Variants in LINGO2 observed in about 807,000 individuals in gnomAD.
The protein encoded by LINGO2 is leucine rich repeat and Ig domain containing 2.
LINGO2 carries 14 observed loss-of-function variants against 30.6 expected under a neutral mutation model. The observed-to-expected ratio is 0.46, with a 90% CI of 0.30 to 0.72. The LOEUF (loss-of-function observed/expected upper bound fraction) is 0.72. LINGO2 is among the 30% of genes least tolerant of loss of function. The pLI is 0.07. For synonymous variants in LINGO2, 317 were observed against 288.5 expected (o/e 1.10, Z -1.00); for missense variants, 729 against 751.7 (o/e 0.97, Z 0.35).
intron 4 of LINGO2, among the ~76,000 whole-genome samples, chr9:28,202,799 G>A (rs796779110): frequency 1.5e-4 from 23 of 152,230 alleles, no homozygotes; most frequent in African/African-American, 5.1e-4. Context: ...AGTGCTCAAT[G>A]TATGTTCTCT....
the LINGO2 span, among the ~76,000 whole-genome samples, chr9:28,938,891 T>A: frequency 3.5e-4 from 53 of 152,278 alleles, no homozygotes; most frequent in Admixed American, 7.2e-4. Flanking sequence ...TTTCCTGGAA[T>A]ATGTAATGTT....
the LINGO2 span, among the ~76,000 whole-genome samples, chr9:28,779,500 T>A: frequency 7.0e-3 from 1,072 of 152,276 alleles, 16 homozygotes; most frequent in African/African-American, 0.024. Context: ...TCATTCTGTT[T>A]TAAAATATGA....
chr9:28,400,998 G>A (rs1005913009), intron 2 of LINGO2, among the ~76,000 whole-genome samples: 1 of 151,966 alleles, frequency 6.6e-6, no homozygotes, highest in Admixed American at 6.6e-5. Flanking sequence ...CAAGGTGACT[G>A]CTCCTAAACA....
chr9:28,167,145 C>A (rs539940866), intron 4 of LINGO2, among the ~76,000 whole-genome samples: 4 of 140,614 alleles, frequency 2.8e-5, no homozygotes, highest in Non-Finnish European at 6.2e-5. Flanking sequence ...TAGCACCCCC[C>A]CCCCCCACTT....
intron 1 of LINGO2, among the ~76,000 whole-genome samples, chr9:28,583,417 C>T (rs563712248): frequency 1.6e-4 from 24 of 152,032 alleles, no homozygotes; most frequent in Non-Finnish European, 2.4e-4. Flanking sequence ...TTTTTCATAA[C>T]GTAGCCACAA....
chr9:28,597,178 T>C (rs1352721256), intron 1 of LINGO2, among the ~76,000 whole-genome samples: 1 of 152,152 alleles, frequency 6.6e-6, no homozygotes, highest in Non-Finnish European at 1.5e-5. Flanking sequence ...TGGGGACCAA[T>C]TTAATTTCTA....
intron 1 of LINGO2, among the ~76,000 whole-genome samples, chr9:28,477,395 T>TA (rs1310065600): frequency 4.6e-5 from 7 of 151,854 alleles, no homozygotes; most frequent in Admixed American, 6.6e-5. Flanking sequence ...CCACAGCTAG[T>TA]AAAAAAAACA....
chr9:29,197,206 T>C, the LINGO2 span, among the ~76,000 whole-genome samples: 7 of 152,006 alleles, frequency 4.6e-5, no homozygotes, highest in Non-Finnish European at 4.4e-5. Context: ...ATATCTAGCA[T>C]CCTTTGGAAG....
At chr9:28,743,514 C>T in the LINGO2 span, among the ~76,000 whole-genome samples, 3 of 151,964 alleles carry the variant, frequency 2.0e-5, no homozygotes, top group Admixed American at 6.6e-5. Context: ...GACATGAACT[C>T]ATCCTTTTTT....
intron 1 of LINGO2, among the ~76,000 whole-genome samples, chr9:28,641,192 C>G (rs896185789): frequency 6.6e-6 from 1 of 152,012 alleles, no homozygotes; most frequent in Non-Finnish European, 1.5e-5. Context: ...TGCCACCACG[C>G]TCGGCTAATT....
intron 4 of LINGO2, among the ~76,000 whole-genome samples, chr9:28,278,058 G>A (rs2134115717): frequency 6.6e-6 from 1 of 152,274 alleles, no homozygotes; most frequent in South Asian, 2.1e-4. Context: ...GGAGAAAATT[G>A]TAGTGGTCTG....
the LINGO2 span, among the ~76,000 whole-genome samples, chr9:28,694,062 A>G: frequency 6.6e-6 from 1 of 151,952 alleles, no homozygotes. Flanking sequence ...GCTTCCAGCT[A>G]TAACTTCTGC....
chr9:29,151,477 T>C, the LINGO2 span, among the ~76,000 whole-genome samples: 4 of 152,080 alleles, frequency 2.6e-5, no homozygotes, highest in African/African-American at 4.8e-5. Context: ...AATAATACAA[T>C]ACAAGACCCA....
intron 1 of LINGO2, among the ~76,000 whole-genome samples, chr9:28,591,859 G>C (rs908616403): frequency 4.4e-4 from 67 of 152,134 alleles, no homozygotes; most frequent in African/African-American, 1.6e-3. Flanking sequence ...ATAGCTGTCA[G>C]TGCCCACACT....
chr9:28,180,477 T>C (rs1828881401), intron 4 of LINGO2, among the ~76,000 whole-genome samples: 1 of 146,354 alleles, frequency 6.8e-6, no homozygotes, highest in Non-Finnish European at 1.6e-5. Context: ...CGGTCATTAT[T>C]TGGCAAAAGG....
At chr9:28,848,342 G>GTA in the LINGO2 span, among the ~76,000 whole-genome samples, 132 of 104,750 alleles carry the variant, frequency 1.3e-3, no homozygotes, top group South Asian at 0.027. Context: ...CATATATAGT[G>GTA]TATATATATA....
At chr9:29,023,168 A>G in the LINGO2 span, among the ~76,000 whole-genome samples, 1 of 152,144 alleles carries the variant, frequency 6.6e-6, no homozygotes. Flanking sequence ...AAGTAAAGGA[A>G]AAAGGTTATA....
intron 3 of LINGO2, among the ~76,000 whole-genome samples, chr9:28,368,721 C>T (rs963386737): frequency 3.3e-5 from 5 of 151,740 alleles, no homozygotes; most frequent in Non-Finnish European, 4.4e-5. Context: ...CTCAGCCTCG[C>T]GAGTAGCTGG....
At chr9:28,494,614 T>C (rs1819523853) in intron 1 of LINGO2, among the ~76,000 whole-genome samples, 1 of 152,228 alleles carries the variant, frequency 6.6e-6, no homozygotes, top group South Asian at 2.1e-4. Flanking sequence ...ATCCAGTCTA[T>C]AATTGATGGA....
Sources: allele counts gnomAD v4.1 joint callset (sites outside exome capture counted in the v4.1 genomes callset), GRCh38; gene constraint gnomAD v4.1.1; transcripts MANE v1.5; gene names NCBI Gene and HGNC (gene_info 2026-07-23, HGNC 2026-07-21).